The following DLG2 variants were observed in gnomAD, a reference collection of about 807,000 sequenced individuals.
The protein encoded by DLG2 is disks large homolog 2.
A neutral mutation model predicts 132.5 loss-of-function variants in DLG2; 45 were observed. That is an observed-to-expected ratio of 0.34 (90% confidence interval 0.27 to 0.44). The LOEUF is 0.44. DLG2 is among the 20% of genes least tolerant of loss of function. The pLI is 1.00. For missense variants in DLG2, 1,045 were observed against 1,196.9 expected, an observed-to-expected ratio of 0.87 and a Z score of 1.87; for synonymous variants, 424 against 419.6, an observed-to-expected ratio of 1.01 and a Z score of -0.13.
intron 7 of DLG2, among the ~76,000 whole-genome samples, chr11:84,460,968 T>C (rs993475128): frequency 6.6e-6 from 1 of 150,836 alleles, no homozygotes; most frequent in Non-Finnish European, 1.5e-5. Flanking sequence ...CTTTTGCATA[T>C]GTGTAACATA....
chr11:83,707,531 C>T (rs1165692086), intron 18 of DLG2, among the ~76,000 whole-genome samples: 5 of 152,036 alleles, frequency 3.3e-5, no homozygotes, highest in Admixed American at 2.0e-4. Context: ...ATTAGTGGGG[C>T]GTTGTGGTGC....
At chr11:83,603,603 C>G (rs899106126) in intron 19 of DLG2, among the ~76,000 whole-genome samples, 1 of 151,602 alleles carries the variant, frequency 6.6e-6, no homozygotes, top group African/African-American at 2.4e-5. Flanking sequence ...CCAGTTGACA[C>G]AGTGGATGAG....
At chr11:84,132,668 A>G (rs747338272) in intron 9 of DLG2, among the ~76,000 whole-genome samples, 1 of 152,052 alleles carries the variant, frequency 6.6e-6, no homozygotes, top group Non-Finnish European at 1.5e-5. Flanking sequence ...AGAGTTTAGT[A>G]TCTAATGACA....
chr11:84,764,683 T>C (rs111315147), intron 6 of DLG2, among the ~76,000 whole-genome samples: 18 of 152,134 alleles, frequency 1.2e-4, no homozygotes, highest in African/African-American at 4.3e-4. Context: ...GGTATATATA[T>C]GCATATATGG....
chr11:84,784,790 G>C (rs753919176), intron 6 of DLG2, among the ~76,000 whole-genome samples: 1 of 152,092 alleles, frequency 6.6e-6, no homozygotes, highest in Non-Finnish European at 1.5e-5. Flanking sequence ...GTGGTTACTA[G>C]AGACTGGGGT....
At chr11:85,371,192 T>C (rs2084947202) in intron 3 of DLG2, among the ~76,000 whole-genome samples, 1 of 152,160 alleles carries the variant, frequency 6.6e-6, no homozygotes, top group Admixed American at 6.5e-5. Flanking sequence ...CCAGGACTCA[T>C]GAAGAGCTGA....
chr11:85,023,736 A>G (rs1045612096), intron 6 of DLG2, among the ~76,000 whole-genome samples: 1 of 152,110 alleles, frequency 6.6e-6, no homozygotes, highest in Non-Finnish European at 1.5e-5. Context: ...AATATTCTAT[A>G]TAAGATATCA....
At chr11:83,601,456 C>T (rs694613) in intron 19 of DLG2, among the ~76,000 whole-genome samples, 74,574 of 149,296 alleles carry the variant, frequency 0.5, 19,543 homozygotes, top group African/African-American at 0.65. Flanking sequence ...TCTCAAACAA[C>T]TTGTATAATC....
Position 83,541,727 on chromosome 11 carries a change from A to G in DLG2, c.2072T>C (p.Leu691Pro), listed in dbSNP as rs1565714023. ...CCCCATCTCCTCACTGTCTCCCTCCAGCATGACTCTCCTGGCTTGCCACCA... is the reference window on the plus strand; with the variant it reads ...CCCCATCTCCTCACTGTCTCCCTCCGGCATGACTCTCCTGGCTTGCCACCA... ...DEWWQARRVM[L>P]EGDSEEMGVI... is the part of the protein sequence containing the mutation. The change falls in exon 20 of 28, where the codon CTG (leucine) becomes CCG (proline). Residue 691 changes from leucine (L) to proline (P), a missense_variant. Around this residue, in one of 4 missense-constraint regions of DLG2, gnomAD observed 398 missense variants for 543.6 expected, o/e 0.73. Transcript: ENST00000376104. The G allele has an allele frequency of 6.2e-7, 1 of 1,612,934 alleles. No homozygotes were observed. Among genetic ancestry groups the G allele is most frequent in the Non-Finnish European group, 8.5e-7 (1 of 1,179,390 alleles).
intron 6 of DLG2, among the ~76,000 whole-genome samples, chr11:85,097,135 C>T (rs985128770): frequency 1.3e-5 from 2 of 152,172 alleles, no homozygotes; most frequent in Non-Finnish European, 2.9e-5. Context: ...TCTTGCCTCT[C>T]TTCTCTCATC....
At chr11:85,353,189 C>G (rs537389041) in intron 3 of DLG2, among the ~76,000 whole-genome samples, 1 of 152,082 alleles carries the variant, frequency 6.6e-6, no homozygotes, top group African/African-American at 2.4e-5. Context: ...ATATGAACAG[C>G]CACTTCTTAA....
At chr11:84,194,870 G>A (rs2096485484) in intron 8 of DLG2, among the ~76,000 whole-genome samples, 1 of 152,126 alleles carries the variant, frequency 6.6e-6, no homozygotes, top group Admixed American at 6.5e-5. Context: ...GGGGCCGGCG[G>A]CGCTGGCCAG....
intron 7 of DLG2, among the ~76,000 whole-genome samples, chr11:84,301,356 G>A (rs897142820): frequency 3.3e-5 from 5 of 152,004 alleles, no homozygotes; most frequent in Non-Finnish European, 5.9e-5. Context: ...ATAGAATGGC[G>A]ATCATTAAAG....
At chr11:85,496,600 C>G (rs1447866771) in intron 3 of DLG2, among the ~76,000 whole-genome samples, 1 of 152,170 alleles carries the variant, frequency 6.6e-6, no homozygotes, top group Non-Finnish European at 1.5e-5. Flanking sequence ...GCTCCAATAA[C>G]AGACAGACTG....
intron 15 of DLG2, among the ~76,000 whole-genome samples, chr11:83,926,282 G>A (rs2078970746): frequency 6.6e-6 from 1 of 152,136 alleles, no homozygotes; most frequent in South Asian, 2.1e-4. Context: ...TCTAAATGTG[G>A]ATTAGGAATT....
chr11:84,072,046 T>G (rs1299428178), intron 10 of DLG2, among the ~76,000 whole-genome samples: 1 of 152,246 alleles, frequency 6.6e-6, no homozygotes, highest in Non-Finnish European at 1.5e-5. Context: ...CTGAGCTGTC[T>G]CTGCTGAAGG....
intron 18 of DLG2, among the ~76,000 whole-genome samples, chr11:83,717,292 T>C (rs911559317): frequency 1.3e-5 from 2 of 152,178 alleles, no homozygotes; most frequent in Admixed American, 1.3e-4. Context: ...ATTCATCTAA[T>C]CTAGATGACT....
At chr11:84,405,987 G>C (rs185735589) in intron 7 of DLG2, among the ~76,000 whole-genome samples, 3 of 152,202 alleles carry the variant, frequency 2.0e-5, no homozygotes, top group Admixed American at 2.0e-4. Context: ...AAGATCATGA[G>C]CAATAGCCCC....
At chr11:84,097,425 C>G (rs1278574711) in intron 10 of DLG2, among the ~76,000 whole-genome samples, 2 of 152,098 alleles carry the variant, frequency 1.3e-5, no homozygotes, top group South Asian at 2.1e-4. Flanking sequence ...TTACCCTTGA[C>G]GTTTTCTCTC....
Sources: allele counts gnomAD v4.1 joint callset (sites outside exome capture counted in the v4.1 genomes callset), GRCh38; gene constraint gnomAD v4.1.1; regional missense constraint gnomAD v4.1.1; transcripts MANE v1.5; gene names NCBI Gene and HGNC (gene_info 2026-07-23, HGNC 2026-07-21).